Variants in RELN observed in about 807,000 individuals in gnomAD.
RELN encodes reelin.
Under a neutral mutation model 427.6 loss-of-function variants are expected in RELN, and 108 were observed. The ratio of observed to expected loss-of-function variants is 0.25; its 90% CI spans 0.22 to 0.30. The LOEUF (loss-of-function observed/expected upper bound fraction) is 0.30, where lower values mean the gene tolerates loss of function less well. RELN is among the 10% of genes least tolerant of loss of function. The pLI, the probability that RELN is intolerant of heterozygous loss-of-function variation, is 1.00. For missense variants in RELN, 3,715 were observed against 4,302.8 expected (o/e 0.86, Z 3.82); for synonymous variants, 1,524 against 1,513.4 (o/e 1.01, Z -0.16).
intron 1 of RELN, among the ~76,000 whole-genome samples, chr7:103,972,729 A>G (rs1366637563): frequency 6.6e-6 from 1 of 152,202 alleles, no homozygotes; most frequent in Non-Finnish European, 1.5e-5. Flanking sequence ...AGAAAGGGTG[A>G]GAAGAGAACT....
chr7:103,660,383 G>A (rs921060200), intron 12 of RELN, among the ~76,000 whole-genome samples: 3 of 152,124 alleles, frequency 2.0e-5, no homozygotes, highest in Admixed American at 6.6e-5. Context: ...TTAAATGTGA[G>A]ACTATATTAC....
chr7:103,541,820 T>C (rs569096866), intron 43 of RELN, among the ~76,000 whole-genome samples: 1 of 152,286 alleles, frequency 6.6e-6, no homozygotes, highest in East Asian at 1.9e-4. Context: ...ACTATATGCA[T>C]TAAAGTGGGA....
At chr7:103,801,785 G>T (rs906868934) in intron 3 of RELN, among the ~76,000 whole-genome samples, 1 of 151,796 alleles carries the variant, frequency 6.6e-6, no homozygotes, top group African/African-American at 2.4e-5. Context: ...CACCTCATAG[G>T]GTAATGGTGA....
At chr7:103,805,432 G>A (rs1255880616) in intron 3 of RELN, among the ~76,000 whole-genome samples, 1 of 152,146 alleles carries the variant, frequency 6.6e-6, no homozygotes, top group East Asian at 1.9e-4. Context: ...AACTATATGT[G>A]TTGCCAACTT....
intron 11 of RELN, among the ~76,000 whole-genome samples, chr7:103,669,559 C>T (rs1043428523): frequency 6.6e-6 from 1 of 152,030 alleles, no homozygotes; most frequent in African/African-American, 2.4e-5. Flanking sequence ...TTTCCTGTTA[C>T]AAAAATTATA....
At chr7:103,529,884 T>C (rs1033832378) in intron 46 of RELN, among the ~76,000 whole-genome samples, 2 of 152,188 alleles carry the variant, frequency 1.3e-5, no homozygotes, top group Admixed American at 1.3e-4. Flanking sequence ...GTTTATGTCA[T>C]TGAAGGCCAT....
At chr7:103,876,330 A>C (rs1794477386) in intron 2 of RELN, among the ~76,000 whole-genome samples, 1 of 152,182 alleles carries the variant, frequency 6.6e-6, no homozygotes, top group Non-Finnish European at 1.5e-5. Flanking sequence ...CACAAGATAA[A>C]GATATGGAGC....
chr7:103,650,711 A>AAAAT (rs1463374457), intron 15 of RELN, among the ~76,000 whole-genome samples: 2 of 152,068 alleles, frequency 1.3e-5, no homozygotes, highest in African/African-American at 4.8e-5. Context: ...CTGCAGCCTC[A>AAAAT]AAATCCTGGG....
chr7:103,903,476 T>C (rs1795127417), intron 2 of RELN, among the ~76,000 whole-genome samples: 1 of 152,110 alleles, frequency 6.6e-6, no homozygotes, highest in South Asian at 2.1e-4. Flanking sequence ...AGAGCAAATG[T>C]CTGCTTTAAT....
rs1253267075 is a variant in RELN, at chr7:103,515,446, A to T, written c.7863-5T>A. 1 of 1,613,890 alleles carries T rather than the reference A, an allele frequency of 6.2e-7. No homozygotes were observed. The highest frequency in any genetic ancestry group is 8.5e-7 in the Non-Finnish European group (1 of 1,180,034). ...GGGAGAAGGATATTCACAAATCTAT[A>T]GGAAAATGATGGGGAAGGGTGTGGG... is the stretch of plus-strand genomic sequence containing the variant. On this transcript the variant is annotated splice_polypyrimidine_tract_variant and splice_region_variant and intron_variant, in intron 49 of 64. Coordinates refer to ENST00000428762, the MANE Select transcript of RELN (RefSeq NM_005045.4).
chr7:103,988,646 G>A lies in RELN; in HGVS notation c.226+485C>T, dbSNP rs1378365681. 1.3e-5 allele frequency among the ~76,000 whole-genome samples: 2 copies of A among 152,188 alleles called. No individual in the cohort carries two copies. Among genetic ancestry groups the A allele is most frequent in the Admixed American group, 1.3e-4 (2 of 15,282 alleles). Reference sequence around the variant, plus strand: ...TGAGCAGCGGGAACTTTGCGGTCGAGCGGCGCGGGGCAGCCACAGACCTGG... The same window carrying A: ...TGAGCAGCGGGAACTTTGCGGTCGAACGGCGCGGGGCAGCCACAGACCTGG... On this transcript the variant is annotated intron_variant, in intron 1 of 64. Transcript: ENST00000428762. The surrounding 1 kb of genome is among the most constrained non-coding windows in gnomAD (Gnocchi z 4.9).
chr7:103,509,805 A>AT (rs1829339923), intron 51 of RELN, among the ~76,000 whole-genome samples: 1 of 152,092 alleles, frequency 6.6e-6, no homozygotes, highest in Non-Finnish European at 1.5e-5. Context: ...TTACAAGAAA[A>AT]AAAAAACATC....
At chr7:103,484,123 ACC>A (rs1170571953) in intron 61 of RELN, 3 of 428,838 alleles carry the variant, frequency 7.0e-6, no homozygotes, top group Admixed American at 3.6e-5. Flanking sequence ...CAGGTGATCC[ACC>A]CACCTCGGCC....
intron 1 of RELN, among the ~76,000 whole-genome samples, chr7:103,950,186 C>G (rs888831947): frequency 6.6e-6 from 1 of 152,096 alleles, no homozygotes; most frequent in African/African-American, 2.4e-5. Flanking sequence ...AATCCTTTCA[C>G]GAAGGTTCCG....
chr7:103,473,922 T>C (rs916536928), intron 64 of RELN, among the ~76,000 whole-genome samples: 1 of 152,082 alleles, frequency 6.6e-6, no homozygotes, highest in African/African-American at 2.4e-5. Flanking sequence ...CCTAATTCCA[T>C]GAAGACATAA....
chr7:103,828,303 T>A (rs914018857), intron 3 of RELN, among the ~76,000 whole-genome samples: 1 of 151,954 alleles, frequency 6.6e-6, no homozygotes, highest in African/African-American at 2.4e-5. Flanking sequence ...TTAAAATGAT[T>A]TTTTTTGCCT....
chr7:103,798,348 A>T (rs1792361241), intron 3 of RELN, among the ~76,000 whole-genome samples: 1 of 152,204 alleles, frequency 6.6e-6, no homozygotes, highest in Admixed American at 6.5e-5. Flanking sequence ...CAAATTAAGT[A>T]ATGTCTCTAA....
At chr7:103,615,924 G>GA (rs113079902) in intron 20 of RELN, among the ~76,000 whole-genome samples, 1,990 of 152,122 alleles carry the variant, frequency 0.013, 37 homozygotes, top group African/African-American at 0.044. Flanking sequence ...CCCATCTCCA[G>GA]AAAAAAGGCT....
intron 12 of RELN, among the ~76,000 whole-genome samples, chr7:103,659,457 C>T (rs569299817): frequency 1.3e-4 from 20 of 152,226 alleles, no homozygotes; most frequent in African/African-American, 4.6e-4. Flanking sequence ...TTCCACTTAT[C>T]TATATTGGGA....
Sources: gnomAD v4.1 joint callset for allele counts (sites outside exome capture counted in the v4.1 genomes callset) on GRCh38, gnomAD v4.1.1 for gene constraint, Gnocchi (gnomAD v3.1) non-coding constraint, MANE v1.5 for transcripts, NCBI Gene and HGNC (gene_info 2026-07-23, HGNC 2026-07-21) for gene names.